The following ASAP2 variants were observed in gnomAD, a reference collection of about 807,000 sequenced individuals.
The protein encoded by ASAP2 is ArfGAP with SH3 domain, ankyrin repeat and PH domain 2.
A neutral mutation model predicts 131.4 loss-of-function variants in ASAP2; 45 were observed. That is an observed-to-expected ratio of 0.34 (90% CI 0.27 to 0.44). The LOEUF (loss-of-function observed/expected upper bound fraction) is 0.44. Among genes scored for constraint, ASAP2 ranks in the 20% least tolerant of loss-of-function variants. The probability of loss-of-function intolerance (pLI) is 1.00; values close to 1 mark genes in which losing one functional copy is unlikely to be tolerated. For missense variants in ASAP2, 1,011 were observed against 1,297.0 expected (o/e 0.78, Z 3.39); for synonymous variants, 510 against 503.0 (o/e 1.01, Z -0.19).
chr2:9,308,701 G>A (rs1302376096), intron 3 of ASAP2, among the ~76,000 whole-genome samples: 1 of 152,188 alleles, frequency 6.6e-6, no homozygotes, highest in Non-Finnish European at 1.5e-5. Context: ...GAGCTGAGAG[G>A]AAGAGCTCTG....
chr2:9,313,026 A>T (rs1193006874), intron 3 of ASAP2, among the ~76,000 whole-genome samples: 1 of 152,078 alleles, frequency 6.6e-6, no homozygotes, highest in African/African-American at 2.4e-5. Context: ...GCCACTGCAC[A>T]CCCGCCTGGG....
At chr2:9,279,823 CAAACAT>C (rs1667009135) in intron 2 of ASAP2, among the ~76,000 whole-genome samples, 1 of 151,318 alleles carries the variant, frequency 6.6e-6, no homozygotes, top group African/African-American at 2.4e-5. Flanking sequence ...AATAAATAGA[CAAACAT>C]AAAGTAATAT....
At chr2:9,307,130 T>C (rs1668996317) in intron 3 of ASAP2, among the ~76,000 whole-genome samples, 1 of 152,212 alleles carries the variant, frequency 6.6e-6, no homozygotes, top group Admixed American at 6.5e-5. Flanking sequence ...TGCAGGGTTG[T>C]GGCTCTCCAG....
chr2:9,247,875 C>A (rs913066045), intron 1 of ASAP2, among the ~76,000 whole-genome samples: 2 of 152,172 alleles, frequency 1.3e-5, no homozygotes, highest in Non-Finnish European at 2.9e-5. Context: ...CTTTTTGGCC[C>A]TATTTCCCGC....
chr2:9,281,641 TG>T lies in ASAP2; in HGVS notation c.199+2255del, dbSNP rs1361868935. 6.6e-6 allele frequency among the ~76,000 whole-genome samples: 1 copy of T among 152,136 alleles called. No individual in the cohort carries two copies. Among genetic ancestry groups the T allele is most frequent in the Non-Finnish European group, 1.5e-5 (1 of 68,018 alleles). On this transcript the variant is annotated intron_variant, in intron 2 of 27. Transcript: ENST00000281419. This position sits in a 1 kb window ranked among gnomAD's most constrained non-coding sequence, Gnocchi z 4.0. Reference sequence around the variant, plus strand: ...GTTCGTGGAAGTCAGTTCCAGAGCATGGGAGAGAGAAGGAAGGCCTCTGTGG... The same window carrying T: ...GTTCGTGGAAGTCAGTTCCAGAGCATGGAGAGAGAAGGAAGGCCTCTGTGG...
intron 1 of ASAP2, among the ~76,000 whole-genome samples, chr2:9,269,149 A>G (rs1666160594): frequency 6.6e-6 from 1 of 152,088 alleles, no homozygotes. Context: ...GGTGATAAAT[A>G]TCTACAAATT....
At chr2:9,213,404 G>C (rs1420178774) in intron 1 of ASAP2, among the ~76,000 whole-genome samples, 2 of 152,204 alleles carry the variant, frequency 1.3e-5, no homozygotes, top group Non-Finnish European at 2.9e-5. Flanking sequence ...TGTCCATCTT[G>C]GGGAAGGAAT....
chr2:9,220,633 A>G (rs949911856), intron 1 of ASAP2, among the ~76,000 whole-genome samples: 2 of 152,170 alleles, frequency 1.3e-5, no homozygotes, highest in Admixed American at 6.5e-5. Flanking sequence ...TGCAAGTAAT[A>G]ATTTCCATTT....
At chr2:9,258,391 A>T (rs1382699346) in intron 1 of ASAP2, among the ~76,000 whole-genome samples, 2 of 150,668 alleles carry the variant, frequency 1.3e-5, no homozygotes, top group African/African-American at 4.9e-5. Context: ...CCTTTAAAAA[A>T]TACCTCACAT....
chr2:9,398,453 G>A lies in ASAP2; in HGVS notation c.2685-1570G>A, dbSNP rs368559092. On this transcript the variant is annotated intron_variant, in intron 24 of 27. Coordinates refer to ENST00000281419, the MANE Select transcript of ASAP2 (RefSeq NM_003887.3). ...TTGACCCCAGGAGTTCCGAGGCTGC[G>A]GTGAACTGATTGCCGCACTGCACTC... is the stretch of plus-strand genomic sequence containing the variant. Among the ~76,000 whole-genome samples, 34 of 152,064 alleles carry A rather than the reference G, an allele frequency of 2.2e-4. No homozygotes were observed. The East Asian group carries it at 3.1e-3, about 14-fold the overall frequency.
In ASAP2 at chr2:9,344,604, C is replaced by T. The variant is rs747266776; in HGVS notation, c.922C>T (p.Arg308Trp). 8 of 1,614,116 alleles carry T rather than the reference C, an allele frequency of 5.0e-6. No homozygotes were observed. In the East Asian group the frequency reaches 6.7e-5, roughly 13 times the overall value. ...GGGAAACAAGGAACATGGGACCGAG[C>T]GGAACGGCAGCCTCTACAAGAAGAG... ...PQGNKEHGTERNGSLYKKSDG... is the reference protein window; with the variant it reads ...PQGNKEHGTEWNGSLYKKSDG... Residue 308 changes from arginine (R) to tryptophan (W), a missense_variant, in exon 10 of 28, where the codon CGG becomes TGG. Coordinates refer to ENST00000281419, the MANE Select transcript of ASAP2 (RefSeq NM_003887.3).
intron 22 of ASAP2, among the ~76,000 whole-genome samples, chr2:9,390,850 T>C (rs1675660261): frequency 2.6e-5 from 4 of 152,234 alleles, no homozygotes; most frequent in Admixed American, 2.6e-4. Context: ...CTGAGAATAG[T>C]CCTTGGAGCC....
chr2:9,319,357 T>C (rs1558327757), intron 4 of ASAP2, among the ~76,000 whole-genome samples: 2 of 152,250 alleles, frequency 1.3e-5, no homozygotes, highest in Non-Finnish European at 2.9e-5. Context: ...TTGACCCATC[T>C]CCAGGACCTC....
chr2:9,225,876 G>C (rs1280266154), intron 1 of ASAP2, among the ~76,000 whole-genome samples: 1 of 152,190 alleles, frequency 6.6e-6, no homozygotes, highest in Admixed American at 6.5e-5. Flanking sequence ...GGGTTGGTTG[G>C]TGTGTGGCTG....
At position 9,378,829 on chromosome 2, in the gene ASAP2, C is replaced by G. The variant is rs989577273; in HGVS notation, c.1833-115C>G. 9 of 611,210 alleles carry G rather than the reference C, an allele frequency of 1.5e-5. No individual in the cohort carries two copies. In the Middle Eastern group the frequency reaches 8.3e-4, roughly 56 times the overall value. 37.9% of individuals were successfully genotyped at this position (611,210 alleles called of 1,614,324 possible). A position where few individuals can be genotyped will look rare whatever the true frequency, so the allele number is the denominator to read the frequency against. ...TTGGCGATGATTTACAGAAACCGTT[C>G]ACTCGGGGACTGTCTGCCTTTCCTG... On this transcript the variant is annotated intron_variant, in intron 18 of 27. Transcript: ENST00000281419.
chr2:9,397,064 T>A (rs1188393506), intron 24 of ASAP2, among the ~76,000 whole-genome samples: 1 of 152,246 alleles, frequency 6.6e-6, no homozygotes, highest in African/African-American at 2.4e-5. Context: ...TACTGAATTA[T>A]GCTGTAATAA....
chr2:9,403,009 C>T (rs1342982693), intron 27 of ASAP2, among the ~76,000 whole-genome samples: 1 of 152,160 alleles, frequency 6.6e-6, no homozygotes. Context: ...TGGCCATCCC[C>T]ACGAGCGAAC....
chr2:9,378,973 G>A lies in ASAP2; in HGVS notation c.1862G>A (p.Gly621Asp), dbSNP rs1674617735. 5 of 1,518,606 alleles carry A rather than the reference G, an allele frequency of 3.3e-6. No individual in the cohort carries two copies. Among genetic ancestry groups the A allele is most frequent in the Non-Finnish European group, 4.4e-6 (5 of 1,128,950 alleles). 94.1% of individuals were successfully genotyped at this position (1,518,606 alleles called of 1,614,324 possible). Residue 621 changes from glycine (G) to aspartate (D), a missense_variant, in exon 19 of 28, where the codon GGC becomes GAC. Coordinates refer to ENST00000281419, the MANE Select transcript of ASAP2 (RefSeq NM_003887.3). ...AACCTGGATAAACAGACAGGGAAAG[G>A]CAGCACAGCCCTGCACTACTGCTGC... ...SGNLDKQTGK[G>D]STALHYCCLT...
intron 1 of ASAP2, among the ~76,000 whole-genome samples, chr2:9,224,403 A>G (rs1169799003): frequency 6.6e-6 from 1 of 152,232 alleles, no homozygotes; most frequent in Admixed American, 6.5e-5. Flanking sequence ...CCTAGCATAC[A>G]TAATTCTCAG....
Sources: gnomAD v4.1 joint callset for allele counts (sites outside exome capture counted in the v4.1 genomes callset) on GRCh38, gnomAD v4.1.1 for gene constraint, Gnocchi (gnomAD v3.1) non-coding constraint, MANE v1.5 for transcripts, NCBI Gene and HGNC (gene_info 2026-07-23, HGNC 2026-07-21) for gene names.